Variants in PCDHA1 observed in about 807,000 individuals in gnomAD.
PCDHA1 encodes protocadherin alpha 1, also known as protocadherin alpha-1.
A neutral mutation model predicts 61.3 loss-of-function variants in PCDHA1; 42 were observed. The ratio of observed to expected loss-of-function variants is 0.69; its 90% confidence interval spans 0.54 to 0.89. PCDHA1 has a LOEUF of 0.89. Ranked by LOEUF, PCDHA1 falls within the 40% of genes least tolerant of loss-of-function variation. PCDHA1 has a pLI of 0.00. For missense variants in PCDHA1, 1,256 were observed against 1,235.3 expected (o/e 1.02, Z -0.25); for synonymous variants, 610 against 553.8 (o/e 1.10, Z -1.43).
At chr5:140,869,453 T>C in intron 1 of PCDHA1, 1 of 1,614,214 alleles carries the variant, frequency 6.2e-7, no homozygotes, top group Non-Finnish European at 8.5e-7. Flanking sequence ...CTGCAGGTTT[T>C]CCATGTGAAC....
intron 1 of PCDHA1, chr5:140,858,561 C>A: frequency 7.3e-7 from 1 of 1,370,342 alleles, no homozygotes; most frequent in South Asian, 1.3e-5. Context: ...TTGAATATTT[C>A]TAGTGATACC....
chr5:140,954,470 G>T (rs999752135), intron 1 of PCDHA1, among the ~76,000 whole-genome samples: 2 of 152,150 alleles, frequency 1.3e-5, no homozygotes, highest in Non-Finnish European at 2.9e-5. Flanking sequence ...ATTCTGACTG[G>T]TGTGAGAAGA....
At chr5:140,830,044 G>A in intron 1 of PCDHA1, 1 of 1,613,812 alleles carries the variant, frequency 6.2e-7, no homozygotes, top group East Asian at 2.2e-5. Flanking sequence ...TGGTGCTGGT[G>A]AAAGACCACG....
At chr5:140,828,266 C>G (rs1769658438) in intron 1 of PCDHA1, 1 of 1,614,048 alleles carries the variant, frequency 6.2e-7, no homozygotes, top group African/African-American at 1.3e-5. Context: ...GCTGGCGGAG[C>G]TGGTGCCGCG....
intron 1 of PCDHA1, among the ~76,000 whole-genome samples, chr5:140,911,222 T>G (rs2075377398): frequency 6.6e-6 from 1 of 152,204 alleles, no homozygotes; most frequent in African/African-American, 2.4e-5. Flanking sequence ...ATGAGAAAGC[T>G]GTTTCTTCTG....
chr5:140,900,370 T>G (rs983806569), intron 1 of PCDHA1, among the ~76,000 whole-genome samples: 18 of 152,236 alleles, frequency 1.2e-4, no homozygotes, highest in African/African-American at 4.1e-4. Context: ...CTCTGCCTCC[T>G]GGGTTCAAGC....
chr5:140,929,306 A>G lies in PCDHA1; in HGVS notation c.2395-49643A>G, dbSNP rs781950847. 9 of 1,572,580 alleles carry G rather than the reference A, an allele frequency of 5.7e-6. No homozygotes were observed. The Admixed American group carries it at 9.0e-5, about 16-fold the overall frequency. On this transcript the variant is annotated intron_variant, in intron 1 of 3. Coordinates refer to ENST00000504120, the MANE Select transcript of PCDHA1 (RefSeq NM_018900.4). The stretch of plus-strand genomic sequence containing the variant: ...CAGATTCGGAATAGGAAAGGGGATC[A>G]CGCTAATGTCAATGCCATGGTAAGC...
chr5:140,969,254 A>G (rs781854163), intron 1 of PCDHA1: 2 of 1,614,242 alleles, frequency 1.2e-6, no homozygotes, highest in Non-Finnish European at 1.7e-6. Context: ...GACTGACAGC[A>G]GGAATCTCAC....
intron 1 of PCDHA1, chr5:140,855,801 T>C: frequency 2.1e-6 from 1 of 474,526 alleles, no homozygotes. Context: ...AACATATGAA[T>C]GAAAGAAAAG....
At position 140,786,883 on chromosome 5, in the gene PCDHA1, A is replaced by T. The variant is rs1411401994; in HGVS notation, c.593A>T (p.Lys198Ile). The change falls in exon 1 of 4, where the codon AAA becomes ATA. Residue 198 changes from lysine (K) to isoleucine (I), a missense_variant. Lys to Ile is a moderately radical substitution (Grantham distance 102). Coordinates refer to ENST00000504120, the MANE Select transcript of PCDHA1 (RefSeq NM_018900.4). ...LSKSLWLELR[K>I]YLDREETPEL... ...AAATCTCTTTGGCTTGAATTGAGAAAATATTTGGATAGAGAAGAAACACCA... is the reference window on the plus strand; with the variant it reads ...AAATCTCTTTGGCTTGAATTGAGAATATATTTGGATAGAGAAGAAACACCA... 1.9e-6 allele frequency: 3 copies of T among 1,614,060 alleles called. No individual in the cohort carries two copies. The African/African-American group carries it at 4.0e-5, about 22-fold the overall frequency.
intron 1 of PCDHA1, chr5:140,814,137 A>C (rs1765440922): frequency 6.5e-6 from 1 of 153,288 alleles, no homozygotes; most frequent in Non-Finnish European, 1.5e-5. Flanking sequence ...CAGCTGTACA[A>C]AAATATTTTC....
chr5:140,884,662 G>C lies in PCDHA1; in HGVS notation c.2395-94287G>C, dbSNP rs372022274. On this transcript the variant is annotated intron_variant, in intron 1 of 3. Transcript: ENST00000504120. ...AGGAGGACTCAGAATGCTTGAAAGA[G>C]GTAAGCTTATATTTTAAAAAATTGT... is the stretch of plus-strand genomic sequence containing the variant. 11 of 1,589,820 alleles carry C rather than the reference G, an allele frequency of 6.9e-6. No homozygotes were observed. In the African/African-American group the frequency reaches 9.4e-5, roughly 14 times the overall value.
At chr5:140,870,890 T>A in intron 1 of PCDHA1, 2 of 1,613,954 alleles carry the variant, frequency 1.2e-6, no homozygotes, top group East Asian at 4.5e-5. Flanking sequence ...GTGCGCGCAG[T>A]GGATGCGGAC....
intron 1 of PCDHA1, among the ~76,000 whole-genome samples, chr5:140,921,683 C>T (rs1554200360): frequency 6.6e-6 from 1 of 152,154 alleles, no homozygotes; most frequent in East Asian, 1.9e-4. Flanking sequence ...TCATCAAACA[C>T]TGGCCACCTC....
intron 1 of PCDHA1, chr5:140,967,751 T>G: frequency 6.2e-7 from 1 of 1,614,138 alleles, no homozygotes; most frequent in African/African-American, 1.3e-5. Context: ...TGAGGAAGCC[T>G]CCTCCTACCA....
intron 1 of PCDHA1, among the ~76,000 whole-genome samples, chr5:140,818,779 TTGAC>T (rs1474939105): frequency 1.3e-5 from 2 of 152,184 alleles, no homozygotes; most frequent in Non-Finnish European, 2.9e-5. Context: ...GCAATGAACT[TTGAC>T]TGTACCACTG....
intron 1 of PCDHA1, among the ~76,000 whole-genome samples, chr5:140,888,197 C>G (rs190439070): frequency 4.6e-5 from 7 of 152,044 alleles, no homozygotes; most frequent in Non-Finnish European, 8.8e-5. Flanking sequence ...TTTACATTGT[C>G]GGATGCTGGA....
chr5:140,830,644 T>G, intron 1 of PCDHA1: 1 of 475,478 alleles, frequency 2.1e-6, no homozygotes, highest in Non-Finnish European at 3.4e-6. Context: ...TCTTTGCTTC[T>G]TTAATATTCA....
intron 1 of PCDHA1, chr5:140,805,018 T>C (rs1554123186): frequency 6.4e-7 from 1 of 1,568,484 alleles, no homozygotes; most frequent in Non-Finnish European, 8.6e-7. Flanking sequence ...GTTATCAGCT[T>C]CTTGAATATA....
Sources: allele counts gnomAD v4.1 joint callset (sites outside exome capture counted in the v4.1 genomes callset), GRCh38; gene constraint gnomAD v4.1.1; transcripts MANE v1.5; gene names NCBI Gene and HGNC (gene_info 2026-07-23, HGNC 2026-07-21).